SHISA6: variants seen among roughly 807,000 people sequenced by gnomAD.
The protein encoded by SHISA6 is shisa family member 6.
Under a neutral mutation model 47.9 loss-of-function variants are expected in SHISA6, and 22 were observed. The observed-to-expected ratio is 0.46, with a 90% CI of 0.33 to 0.66. The LOEUF (loss-of-function observed/expected upper bound fraction) is 0.66, where lower values mean the gene tolerates loss of function less well. Ranked by LOEUF, SHISA6 falls within the 30% of genes least tolerant of loss-of-function variation. The pLI is 0.02. For synonymous variants in SHISA6, 388 were observed against 337.8 expected, an observed-to-expected ratio of 1.15 and a Z score of -1.63; for missense variants, 680 against 764.6, an observed-to-expected ratio of 0.89 and a Z score of 1.30.
chr17:11,466,203 A>G (rs967197554), intron 3 of SHISA6, among the ~76,000 whole-genome samples: 1 of 152,166 alleles, frequency 6.6e-6, no homozygotes, highest in East Asian at 1.9e-4. Flanking sequence ...AAACAAATCA[A>G]TGCAAATATC....
intron 2 of SHISA6, among the ~76,000 whole-genome samples, chr17:11,264,936 T>A (rs541012023): frequency 6.6e-6 from 1 of 152,294 alleles, no homozygotes; most frequent in African/African-American, 2.4e-5. Flanking sequence ...TTGAGGGGAA[T>A]TAATAGATTC....
At chr17:11,326,612 A>G (rs1326523930) in intron 2 of SHISA6, among the ~76,000 whole-genome samples, 2 of 152,206 alleles carry the variant, frequency 1.3e-5, no homozygotes, top group African/African-American at 4.8e-5. Flanking sequence ...ATCCTAGACC[A>G]TCTGTCTAAC....
At chr17:11,530,329 GTCA>G (rs1462517455) in intron 3 of SHISA6, among the ~76,000 whole-genome samples, 1 of 152,136 alleles carries the variant, frequency 6.6e-6, no homozygotes, top group African/African-American at 2.4e-5. Flanking sequence ...ACCATTGACA[GTCA>G]TCATGGAAGT....
intron 3 of SHISA6, among the ~76,000 whole-genome samples, chr17:11,489,909 A>G (rs1276115871): frequency 1.3e-5 from 2 of 152,234 alleles, no homozygotes; most frequent in African/African-American, 2.4e-5. Flanking sequence ...AGAATTATGC[A>G]GCCCCAAATG....
intron 3 of SHISA6, among the ~76,000 whole-genome samples, chr17:11,486,818 C>T (rs1916359780): frequency 6.6e-6 from 1 of 152,214 alleles, no homozygotes; most frequent in Admixed American, 6.5e-5. Flanking sequence ...TATCCAACAC[C>T]CACTACAGAA....
chr17:11,242,125 C>G (rs1907391251), intron 1 of SHISA6, 65 bp downstream of exon 1: 2 of 1,538,694 alleles, frequency 1.3e-6, no homozygotes, highest in Admixed American at 3.9e-5. Flanking sequence ...CTTGCTTCCC[C>G]TGTCCTCTTC....
At chr17:11,483,902 A>G (rs1033921319) in intron 3 of SHISA6, among the ~76,000 whole-genome samples, 10 of 152,186 alleles carry the variant, frequency 6.6e-5, no homozygotes, top group African/African-American at 2.4e-4. Context: ...GCTGCAGTGA[A>G]CCGTGATCAC....
Position 11,306,054 on chromosome 17 carries a change from A to T in SHISA6, c.799+42528A>T, listed in dbSNP as rs1910098655. On this transcript the variant is annotated intron_variant, in intron 2 of 5. Transcript: ENST00000441885. ...ACAACCCCACCAAACCTCATCAGCT[A>T]TGAAGACCTGAAAAAATAGCTCATT... Among the ~76,000 whole-genome samples the T allele has an allele frequency of 4.6e-5, 7 of 152,326 alleles. No homozygotes were observed. The South Asian group carries it at 1.2e-3, about 27-fold the overall frequency.
rs1466784964 is a variant in SHISA6, at chr17:11,241,529, G to A, written c.107G>A (p.Ser36Asn). The A allele has an allele frequency of 9.0e-6, 10 of 1,107,914 alleles. No individual in the cohort carries two copies. The highest frequency in any genetic ancestry group is 1.1e-5 in the Non-Finnish European group (10 of 909,642). The allele number at this position is 1,107,914 out of a possible 1,614,324, so 68.6% of individuals were successfully genotyped here. A position where few individuals can be genotyped will look rare whatever the true frequency, so the allele number is the denominator to read the frequency against. The change falls in exon 1 of 6, where the codon AGT (serine) becomes AAT (asparagine). Residue 36 changes from serine to asparagine, a missense_variant. Ser to Asn is a conservative substitution (Grantham distance 46). Coordinates refer to ENST00000441885, the MANE Select transcript of SHISA6 (RefSeq NM_207386.4). This position sits in a 1 kb window ranked among gnomAD's most constrained non-coding sequence, Gnocchi z 5.5. ...GGCCGCGCCGCCAACCGGACCCTGAGTGCAGGCGGCGCTGCCGTCGGGGGC... is the reference window on the plus strand; with the variant it reads ...GGCCGCGCCGCCAACCGGACCCTGAATGCAGGCGGCGCTGCCGTCGGGGGC... The part of the protein sequence containing the change: ...ARGRAANRTL[S>N]AGGAAVGGRR...
At chr17:11,461,796 G>A (rs1567612126) in intron 3 of SHISA6, among the ~76,000 whole-genome samples, 1 of 152,114 alleles carries the variant, frequency 6.6e-6, no homozygotes, top group African/African-American at 2.4e-5. Context: ...GGGAGCTGTG[G>A]GCTCTGGATT....
chr17:11,393,925 AC>A (rs146981303), intron 3 of SHISA6, among the ~76,000 whole-genome samples: 178 of 152,330 alleles, frequency 1.2e-3, no homozygotes, highest in African/African-American at 4.2e-3. Flanking sequence ...CCACTTTGGT[AC>A]TTATTGAACC....
chr17:11,412,815 G>A (rs1050357222), intron 3 of SHISA6, among the ~76,000 whole-genome samples: 6 of 152,154 alleles, frequency 3.9e-5, no homozygotes, highest in Admixed American at 1.3e-4. Context: ...CCCTGGGCCC[G>A]GGTGTGGCCT....
intron 3 of SHISA6, among the ~76,000 whole-genome samples, chr17:11,431,116 C>T (rs1286949115): frequency 2.6e-5 from 4 of 152,166 alleles, no homozygotes; most frequent in South Asian, 2.1e-4. Flanking sequence ...CATCTTCTTC[C>T]GTCGGAAAGA....
intron 2 of SHISA6, among the ~76,000 whole-genome samples, chr17:11,377,809 T>C (rs1176026798): frequency 6.6e-6 from 1 of 152,082 alleles, no homozygotes; most frequent in African/African-American, 2.4e-5. Context: ...CACTAGAGAG[T>C]GCTTTAAAAA....
chr17:11,515,445 G>A (rs2071578265), intron 3 of SHISA6, among the ~76,000 whole-genome samples: 1 of 151,950 alleles, frequency 6.6e-6, no homozygotes, highest in Non-Finnish European at 1.5e-5. Context: ...CTCGGGTCGG[G>A]TTTCTTAGAA....
At chr17:11,543,608 A>G (rs2071852542) in intron 3 of SHISA6, among the ~76,000 whole-genome samples, 1 of 152,146 alleles carries the variant, frequency 6.6e-6, no homozygotes, top group Non-Finnish European at 1.5e-5. Context: ...AGACAATATT[A>G]TTATAAAATT....
intron 3 of SHISA6, among the ~76,000 whole-genome samples, chr17:11,412,668 A>G (rs1445584630): frequency 6.6e-6 from 1 of 151,946 alleles, no homozygotes; most frequent in Non-Finnish European, 1.5e-5. Flanking sequence ...CAGCCTCCCA[A>G]GTAGCTGGGA....
chr17:11,320,220 CTT>C (rs1359691591), intron 2 of SHISA6, among the ~76,000 whole-genome samples: 2 of 152,176 alleles, frequency 1.3e-5, no homozygotes, highest in African/African-American at 2.4e-5. Context: ...TATCTCGACT[CTT>C]TTGGGTACAT....
intron 2 of SHISA6, among the ~76,000 whole-genome samples, chr17:11,377,694 G>A (rs1024924041): frequency 6.6e-6 from 1 of 152,146 alleles, no homozygotes; most frequent in Non-Finnish European, 1.5e-5. Flanking sequence ...GGGTAGAGCT[G>A]GGCGCCTAAG....
Sources: gnomAD v4.1 joint callset for allele counts (sites outside exome capture counted in the v4.1 genomes callset) on GRCh38, gnomAD v4.1.1 for gene constraint, Gnocchi (gnomAD v3.1) non-coding constraint, MANE v1.5 for transcripts, NCBI Gene and HGNC (gene_info 2026-07-23, HGNC 2026-07-21) for gene names.